ECT2L: variants seen among roughly 807,000 people sequenced by gnomAD.
The protein encoded by ECT2L is epithelial cell-transforming sequence 2 oncogene-like.
In ECT2L, 126 loss-of-function variants were observed where a neutral mutation model predicts 122.8. The ratio of observed to expected loss-of-function variants is 1.03; its 90% confidence interval spans 0.89 to 1.19. The LOEUF (loss-of-function observed/expected upper bound fraction) is 1.19. Among genes scored for constraint, ECT2L ranks in the 50% most tolerant of loss-of-function variants. The pLI is 0.00. For synonymous variants in ECT2L, 385 were observed against 381.8 expected (o/e 1.01, Z -0.10); for missense variants, 1,012 against 1,064.1 (o/e 0.95, Z 0.68).
At chr6:138,823,410 A>G (rs1776332097) in intron 4 of ECT2L, 1 of 1,608,918 alleles carries the variant, frequency 6.2e-7, no homozygotes, top group African/African-American at 1.4e-5. Flanking sequence ...GTGCTACTTT[A>G]TCACGGCAAG....
At chr6:138,829,879 T>C (rs1413899477) in intron 4 of ECT2L, among the ~76,000 whole-genome samples, 12 of 152,146 alleles carry the variant, frequency 7.9e-5, no homozygotes, top group Non-Finnish European at 2.9e-5. Context: ...CTCGCCACCA[T>C]GCCCGGCTAA....
intron 4 of ECT2L, among the ~76,000 whole-genome samples, chr6:138,837,935 C>G (rs539158659): frequency 7.2e-4 from 106 of 146,430 alleles, no homozygotes; most frequent in Non-Finnish European, 1.1e-3. Flanking sequence ...GAGTCTTACT[C>G]TGTTGCCCAG....
chr6:138,901,338 T>C (rs567449444), intron 21 of ECT2L, among the ~76,000 whole-genome samples: 1 of 152,324 alleles, frequency 6.6e-6, no homozygotes, highest in African/African-American at 2.4e-5. Flanking sequence ...CCTTAGACAT[T>C]AGGAAAACAG....
chr6:138,898,544 C>T (rs1378542204), intron 20 of ECT2L, among the ~76,000 whole-genome samples: 1 of 152,164 alleles, frequency 6.6e-6, no homozygotes, highest in Non-Finnish European at 1.5e-5. Context: ...ACTGAAGTGC[C>T]TTGCTCCTTG....
Position 138,902,789 on chromosome 6 carries a change from C to T in ECT2L, c.*162C>T, listed in dbSNP as rs1779447949. On this transcript the variant is annotated 3_prime_UTR_variant, in exon 22 of 22. Transcript: ENST00000541398. ...TCTTTCCAACTTTTAAACTTTATCA[C>T]TTGTGCTCACTTATGTAGAATGTAT... 1.2e-6 allele frequency: 1 copy of T among 807,394 alleles called. No individual in the cohort carries two copies. The highest frequency in any genetic ancestry group is 1.7e-5 in the African/African-American group (1 of 57,498). 50.0% of individuals were successfully genotyped at this position (807,394 alleles called of 1,614,324 possible).
chr6:138,877,031 G>A (rs796462497), intron 14 of ECT2L, among the ~76,000 whole-genome samples: 11 of 152,256 alleles, frequency 7.2e-5, no homozygotes, highest in African/African-American at 2.4e-4. Context: ...CACGGCATGG[G>A]CACACTGTTT....
At chr6:138,853,126 C>G (rs188924986) in intron 9 of ECT2L, among the ~76,000 whole-genome samples, 15 of 152,226 alleles carry the variant, frequency 9.9e-5, no homozygotes, top group Admixed American at 3.9e-4. Flanking sequence ...CACCACCACG[C>G]CCAGCTGACT....
chr6:138,877,074 C>T (rs1430442721), intron 14 of ECT2L, among the ~76,000 whole-genome samples: 4 of 152,212 alleles, frequency 2.6e-5, no homozygotes, highest in African/African-American at 9.7e-5. Flanking sequence ...CACTTATTAT[C>T]ACCTTTCATT....
intron 16 of ECT2L, among the ~76,000 whole-genome samples, chr6:138,884,298 G>A (rs1276814766): frequency 6.6e-6 from 1 of 152,106 alleles, no homozygotes; most frequent in Non-Finnish European, 1.5e-5. Flanking sequence ...TGGAAAGGGA[G>A]GTAACTTTAC....
Position 138,844,571 on chromosome 6 carries a change from T to G in ECT2L, c.755T>G (p.Leu252Trp), listed in dbSNP as rs752783593. 27 of 1,613,928 alleles carry G rather than the reference T, an allele frequency of 1.7e-5. No homozygotes were observed. Among genetic ancestry groups the G allele is most frequent in the Non-Finnish European group, 1.1e-5 (13 of 1,179,930 alleles). Residue 252 changes from leucine to tryptophan, a missense_variant, in exon 7 of 22, where the codon TTG becomes TGG. Physicochemically the swap from Leu to Trp is moderately conservative, Grantham distance 61. Transcript: ENST00000541398. ...KQLVLTSLET[L>W]PKRSNISGSH... ...CTTGTTTTGACATCGTTAGAAACCT[T>G]GCCCAAGCGGTAAGCAAAATTCCAT...
At chr6:138,890,699 A>AT (rs768565852) in intron 20 of ECT2L, among the ~76,000 whole-genome samples, 43 of 151,654 alleles carry the variant, frequency 2.8e-4, no homozygotes, top group Non-Finnish European at 5.2e-4. Flanking sequence ...CATAAGTTTG[A>AT]TTTTCTATAT....
intron 10 of ECT2L, among the ~76,000 whole-genome samples, chr6:138,861,256 C>T (rs952457669): frequency 3.9e-5 from 6 of 151,996 alleles, no homozygotes; most frequent in Non-Finnish European, 8.8e-5. Context: ...TAATAGGATT[C>T]CTGGGTCAAA....
chr6:138,814,676 T>C (rs1182305707), intron 4 of ECT2L, 73 bp downstream of exon 4: 2 of 919,650 alleles, frequency 2.2e-6, no homozygotes. Context: ...ATATAACCTT[T>C]AAGAGATTTT....
At chr6:138,846,991 G>T (rs979155879) in intron 8 of ECT2L, among the ~76,000 whole-genome samples, 3 of 143,604 alleles carry the variant, frequency 2.1e-5, no homozygotes, top group Non-Finnish European at 4.5e-5. Context: ...AAAAAGGCCA[G>T]GTGCAGTGAC....
Position 138,903,387 on chromosome 6 carries a change from A to T in ECT2L, c.*760A>T, listed in dbSNP as rs903617059. The T allele has an allele frequency of 6.6e-6, 1 of 152,090 alleles. No individual in the cohort carries two copies. Among genetic ancestry groups the T allele is most frequent in the African/African-American group, 2.4e-5 (1 of 41,404 alleles). The allele number at this position is 152,090 out of a possible 1,614,324, so 9.4% of individuals were successfully genotyped here. ...AAAAAAAAAGAAAAAAAAAAGGACAAGAAATACAAATGGCAATTTACTCAA... is the reference window on the plus strand; with the variant it reads ...AAAAAAAAAGAAAAAAAAAAGGACATGAAATACAAATGGCAATTTACTCAA... On this transcript the variant is annotated 3_prime_UTR_variant, in exon 22 of 22. Transcript: ENST00000541398.
intron 4 of ECT2L, among the ~76,000 whole-genome samples, chr6:138,834,529 G>A (rs553168078): frequency 6.6e-6 from 1 of 152,258 alleles, no homozygotes; most frequent in East Asian, 1.9e-4. Flanking sequence ...AGGTGGGAAG[G>A]TAGTAGACAT....
chr6:138,871,862 C>A (rs1778268528), intron 13 of ECT2L, among the ~76,000 whole-genome samples: 1 of 152,104 alleles, frequency 6.6e-6, no homozygotes, highest in Admixed American at 6.5e-5. Flanking sequence ...TACCCTTCTG[C>A]TGTTACCATA....
intron 4 of ECT2L, among the ~76,000 whole-genome samples, chr6:138,837,979 C>T (rs920574599): frequency 6.6e-6 from 1 of 151,518 alleles, no homozygotes; most frequent in Non-Finnish European, 1.5e-5. Flanking sequence ...CGGCTCACTG[C>T]AACCTCAGTC....
chr6:138,868,018 A>C, intron 12 of ECT2L, 85 bp from the exon 13 acceptor site: 1 of 845,304 alleles, frequency 1.2e-6, no homozygotes, highest in Non-Finnish European at 1.7e-6. Context: ...AAAAAAAAAA[A>C]AGAAACTGTG....
Sources: gnomAD v4.1 joint callset for allele counts (sites outside exome capture counted in the v4.1 genomes callset) on GRCh38, gnomAD v4.1.1 for gene constraint, MANE v1.5 for transcripts, NCBI Gene and HGNC (gene_info 2026-07-23, HGNC 2026-07-21) for gene names.